Variants in COMMD1 observed in about 807,000 individuals in gnomAD.
COMMD1 encodes COMM domain-containing protein 1.
In COMMD1, 10 loss-of-function variants were observed where a neutral mutation model predicts 17.2. The ratio of observed to expected loss-of-function variants is 0.58; its 90% CI spans 0.36 to 0.99. COMMD1 has a LOEUF of 0.99. Among genes scored for constraint, COMMD1 ranks in the 50% least tolerant of loss-of-function variants. COMMD1 has a pLI of 0.01. For missense variants in COMMD1, 270 were observed against 231.8 expected, an observed-to-expected ratio of 1.17 and a Z score of -1.07; for synonymous variants, 97 against 91.6, an observed-to-expected ratio of 1.06 and a Z score of -0.34.
At chr2:62,109,081 A>G (rs1031783073) in intron 2 of COMMD1, among the ~76,000 whole-genome samples, 1 of 152,198 alleles carries the variant, frequency 6.6e-6, no homozygotes, top group Non-Finnish European at 1.5e-5. Flanking sequence ...AGAGATACCC[A>G]AAAGGGCAGT....
intron 2 of COMMD1, among the ~76,000 whole-genome samples, chr2:62,108,503 G>C (rs1456419000): frequency 6.6e-6 from 1 of 152,198 alleles, no homozygotes; most frequent in Non-Finnish European, 1.5e-5. Context: ...CTTTCTAGGG[G>C]TGGTAAATTG....
At chr2:61,962,663 T>G (rs1369399096) in intron 1 of COMMD1, among the ~76,000 whole-genome samples, 1 of 152,172 alleles carries the variant, frequency 6.6e-6, no homozygotes, top group Non-Finnish European at 1.5e-5. Flanking sequence ...GTTTCCCTGG[T>G]GAACAGTACT....
At chr2:61,951,349 A>G (rs988356651) in intron 1 of COMMD1, among the ~76,000 whole-genome samples, 3 of 152,128 alleles carry the variant, frequency 2.0e-5, no homozygotes, top group Non-Finnish European at 2.9e-5. Context: ...AGTCCTAGCT[A>G]CTTGGGAGGC....
intron 1 of COMMD1, among the ~76,000 whole-genome samples, chr2:61,907,876 C>G (rs962498907): frequency 1.3e-5 from 2 of 151,796 alleles, no homozygotes; most frequent in East Asian, 3.9e-4. Flanking sequence ...TTTTTAGTAG[C>G]GACAGGGTTT....
chr2:61,967,304 C>T (rs943523683), intron 1 of COMMD1, among the ~76,000 whole-genome samples: 5 of 152,066 alleles, frequency 3.3e-5, no homozygotes, highest in Non-Finnish European at 2.9e-5. Context: ...ACATACAATC[C>T]GATTATTTTA....
intron 2 of COMMD1, among the ~76,000 whole-genome samples, chr2:62,089,446 G>T (rs1671763273): frequency 6.6e-6 from 1 of 151,674 alleles, no homozygotes; most frequent in Non-Finnish European, 1.5e-5. Context: ...ACCACATCCG[G>T]CTAATTTTTG....
chr2:61,993,498 G>A (rs1293106433), intron 1 of COMMD1, among the ~76,000 whole-genome samples: 1 of 152,170 alleles, frequency 6.6e-6, no homozygotes, highest in Non-Finnish European at 1.5e-5. Context: ...ATAGCTGGGC[G>A]CTGATATTTT....
At chr2:61,888,412 C>G (rs1338177393), upstream of COMMD1, 1 of 1,613,252 alleles carries the variant, frequency 6.2e-7, no homozygotes, top group Non-Finnish European at 8.5e-7. Context: ...TGAAGCGGAT[C>G]TGGGCTGGCT....
At chr2:62,000,047 C>T (rs566902335) in intron 1 of COMMD1, among the ~76,000 whole-genome samples, 2 of 151,540 alleles carry the variant, frequency 1.3e-5, no homozygotes, top group South Asian at 2.1e-4. Context: ...CTCAGCCTCC[C>T]GAGTAGCTGG....
At chr2:61,891,862 C>T (rs574937606) in intron 1 of COMMD1, among the ~76,000 whole-genome samples, 6 of 151,602 alleles carry the variant, frequency 4.0e-5, no homozygotes, top group Admixed American at 6.6e-5. Context: ...GATGGAGTCT[C>T]GCTCTGTCAC....
intron 1 of COMMD1, among the ~76,000 whole-genome samples, chr2:61,942,415 G>T (rs538707109): frequency 2.1e-5 from 3 of 144,042 alleles, no homozygotes; most frequent in African/African-American, 7.8e-5. Flanking sequence ...TTTGTTTGTT[G>T]GTTTGTTTAT....
chr2:62,096,250 C>T (rs965990368), intron 2 of COMMD1, among the ~76,000 whole-genome samples: 30 of 152,194 alleles, frequency 2.0e-4, no homozygotes, highest in Admixed American at 1.1e-3. Context: ...TTGACTGTTA[C>T]TCTTCTCCAT....
intron 2 of COMMD1, among the ~76,000 whole-genome samples, chr2:62,123,461 C>T (rs1013429176): frequency 2.1e-5 from 3 of 140,516 alleles, no homozygotes; most frequent in African/African-American, 8.1e-5. Flanking sequence ...GCCAAGATTG[C>T]ACCACTGCAC....
intron 1 of COMMD1, among the ~76,000 whole-genome samples, chr2:61,973,047 T>C (rs1671696211): frequency 6.6e-6 from 1 of 152,144 alleles, no homozygotes; most frequent in South Asian, 2.1e-4. Flanking sequence ...GCTTTTTTTG[T>C]TATTATTGTT....
At chr2:62,110,169 G>A (rs1443982594) in intron 2 of COMMD1, among the ~76,000 whole-genome samples, 1 of 151,938 alleles carries the variant, frequency 6.6e-6, no homozygotes, top group Middle Eastern at 3.2e-3. Flanking sequence ...TGACCTCCTG[G>A]GGTTAGTCTC....
chr2:62,040,659 C>G (rs1023130055), intron 2 of COMMD1, among the ~76,000 whole-genome samples: 1 of 152,068 alleles, frequency 6.6e-6, no homozygotes, highest in Non-Finnish European at 1.5e-5. Context: ...TGTCAGTTTA[C>G]TTTTTGGTTG....
In COMMD1 at chr2:62,076,469, G is replaced by A. The variant is rs550044310; in HGVS notation, c.463-59362G>A. ...TGAAAGAACAGTAAAAACAGCGGCC[G>A]TCTGCAGTGGCTTACGCCTGTAATC... On this transcript the variant is annotated intron_variant, in intron 2 of 2. Transcript: ENST00000311832. Among the ~76,000 whole-genome samples, 211 of 152,286 alleles carry A rather than the reference G, an allele frequency of 1.4e-3. 2 individuals are homozygous for A. Among genetic ancestry groups the A allele is most frequent in the African/African-American group, 4.8e-3 (200 of 41,584 alleles).
At chr2:62,032,344 T>C (rs1055434145) in intron 2 of COMMD1, among the ~76,000 whole-genome samples, 2 of 152,158 alleles carry the variant, frequency 1.3e-5, no homozygotes, top group Non-Finnish European at 2.9e-5. Context: ...GAGATCTCCC[T>C]GGGCAATGAA....
chr2:62,079,195 G>T (rs942506857), intron 2 of COMMD1, among the ~76,000 whole-genome samples: 1 of 152,046 alleles, frequency 6.6e-6, no homozygotes, highest in Non-Finnish European at 1.5e-5. Flanking sequence ...AGTAAAAGCA[G>T]GTTTATTAAG....
Sources: gnomAD v4.1 joint callset for allele counts (sites outside exome capture counted in the v4.1 genomes callset) on GRCh38, gnomAD v4.1.1 for gene constraint, MANE v1.5 for transcripts, NCBI Gene and HGNC (gene_info 2026-07-23, HGNC 2026-07-21) for gene names.